PEX3: variants seen among roughly 807,000 people sequenced by gnomAD.
The protein encoded by PEX3 is peroxisomal biogenesis factor 3, also known as peroxin-3.
In PEX3, 30 loss-of-function variants were observed where a neutral mutation model predicts 55.8. That is an observed-to-expected ratio of 0.54 (90% CI 0.40 to 0.73). PEX3 has a LOEUF of 0.73. PEX3 is among the 30% of genes least tolerant of loss of function. The pLI, the probability that PEX3 is intolerant of heterozygous loss-of-function variation, is 0.00. For synonymous variants in PEX3, 135 were observed against 148.4 expected, an observed-to-expected ratio of 0.91 and a Z score of 0.66; for missense variants, 351 against 432.8, an observed-to-expected ratio of 0.81 and a Z score of 1.68.
chr6:143,462,721 A>G lies in PEX3; in HGVS notation c.206-195A>G, dbSNP rs1395188410. 6.6e-6 allele frequency among the ~76,000 whole-genome samples: 1 copy of G among 152,202 alleles called. No homozygotes were observed. Among genetic ancestry groups the G allele is most frequent in the East Asian group, 1.9e-4 (1 of 5,208 alleles). Reference sequence around the variant, plus strand: ...TGTTTATATAATTTTGTTAAATTACATAAGCAGATAAATGATTTGTTAGGA... The same window carrying G: ...TGTTTATATAATTTTGTTAAATTACGTAAGCAGATAAATGATTTGTTAGGA... On this transcript the variant is annotated intron_variant, in intron 2 of 11. Transcript: ENST00000367591. This position sits in a 1 kb window ranked among gnomAD's most constrained non-coding sequence, Gnocchi z 4.1.
rs1359934366 is a variant in PEX3, at chr6:143,483,889, CAG to C, written c.942-1260_942-1259del. Reference sequence around the variant, plus strand: ...GAGCTTGCATGATAGTGAGGGGAGACAGAGCAATCAAGTAATCAAAATCATGA... The same window carrying C: ...GAGCTTGCATGATAGTGAGGGGAGACAGCAATCAAGTAATCAAAATCATGA... On this transcript the variant is annotated intron_variant, in intron 10 of 11. Coordinates refer to ENST00000367591, the MANE Select transcript of PEX3 (RefSeq NM_003630.3). This position sits in a 1 kb window ranked among gnomAD's most constrained non-coding sequence, Gnocchi z 4.3. Among the ~76,000 whole-genome samples, 1 of 151,392 alleles carries C rather than the reference CAG, an allele frequency of 6.6e-6. No individual in the cohort carries two copies. The highest frequency in any genetic ancestry group is 2.4e-5 in the African/African-American group (1 of 41,158).
intron 10 of PEX3, among the ~76,000 whole-genome samples, chr6:143,480,048 C>G (rs1360996575): frequency 6.6e-6 from 1 of 151,680 alleles, no homozygotes; most frequent in African/African-American, 2.4e-5. Context: ...TACATAGGGC[C>G]AGAAGTTACT....
At chr6:143,452,895 A>G (rs758332010) in intron 1 of PEX3, among the ~76,000 whole-genome samples, 1 of 152,224 alleles carries the variant, frequency 6.6e-6, no homozygotes, top group Non-Finnish European at 1.5e-5. Context: ...AACAGCTACT[A>G]TTTATTGGGT....
In PEX3 at chr6:143,459,399, A is replaced by T. The variant is rs572834943; in HGVS notation, c.205+183A>T. ...TTTTAAAAATCAGTTCATTCATTTT[A>T]TTTATTCATTTAGCAAATACTTGTA... is the stretch of plus-strand genomic sequence containing the variant. On this transcript the variant is annotated intron_variant, in intron 2 of 11. Transcript: ENST00000367591. This position sits in a 1 kb window ranked among gnomAD's most constrained non-coding sequence, Gnocchi z 4.2. Among the ~76,000 whole-genome samples, 536 of 152,368 alleles carry T rather than the reference A, an allele frequency of 3.5e-3. 5 individuals carry two copies. The highest frequency in any genetic ancestry group is 0.012 in the African/African-American group (508 of 41,586).
chr6:143,468,820 ACGACAGG>A (rs1780030265), intron 4 of PEX3, among the ~76,000 whole-genome samples: 1 of 48,032 alleles, frequency 2.1e-5, no homozygotes, highest in Admixed American at 2.0e-4. Flanking sequence ...CCCCCACCCC[ACGACAGG>A]CCCCAGTGTC....
In PEX3 at chr6:143,486,477, A is replaced by G. The variant is rs1211031906; in HGVS notation, c.1038+1229A>G. On this transcript the variant is annotated intron_variant, in intron 11 of 11. Transcript: ENST00000367591. This position sits in a 1 kb window ranked among gnomAD's most constrained non-coding sequence, Gnocchi z 5.0. ...TGATAATAAAAACAAATGTTTCAAT[A>G]TGGTAAAAACGCCATTGATACTAAT... Among the ~76,000 whole-genome samples the G allele has an allele frequency of 6.6e-6, 1 of 152,178 alleles. No homozygotes were observed. The highest frequency in any genetic ancestry group is 1.5e-5 in the Non-Finnish European group (1 of 68,018).
chr6:143,477,546 A>C (rs1780171723), intron 9 of PEX3, among the ~76,000 whole-genome samples: 1 of 152,152 alleles, frequency 6.6e-6, no homozygotes. Flanking sequence ...GGTCAGATGC[A>C]TGTAAGTGGG....
intron 1 of PEX3, among the ~76,000 whole-genome samples, chr6:143,452,558 A>G (rs1223888106): frequency 6.6e-6 from 1 of 152,240 alleles, no homozygotes; most frequent in Non-Finnish European, 1.5e-5. Flanking sequence ...GCAAAAGAGT[A>G]TACTTAAACT....
At position 143,479,140 on chromosome 6, in the gene PEX3, A is replaced by G; in HGVS notation, c.883A>G (p.Met295Val). The change falls in exon 10 of 12, where the codon ATG (methionine) becomes GTG (valine). Residue 295 changes from methionine (M) to valine (V), a missense_variant. By Grantham distance (21) the Met-to-Val change is conservative. Coordinates refer to ENST00000367591, the MANE Select transcript of PEX3 (RefSeq NM_003630.3). The surrounding 1 kb of genome is among the most constrained non-coding windows in gnomAD (Gnocchi z 4.6). Reference protein sequence around the residue: ...NRGFSRLLDNMAEFFRPTEQD... With the variant: ...NRGFSRLLDNVAEFFRPTEQD... ...AGGTTTTAGTAGACTTCTAGACAAT[A>G]TGGCTGAGTTCTTTCGACCTACTGA... The G allele has an allele frequency of 6.3e-7, 1 of 1,598,366 alleles. No homozygotes were observed. Among genetic ancestry groups the G allele is most frequent in the Non-Finnish European group, 8.6e-7 (1 of 1,165,848 alleles).
intron 8 of PEX3, among the ~76,000 whole-genome samples, chr6:143,472,539 T>G (rs891531640): frequency 6.6e-6 from 1 of 152,170 alleles, no homozygotes; most frequent in Non-Finnish European, 1.5e-5. Context: ...ATTCAGTACA[T>G]TTTTATTATC....
At position 143,482,208 on chromosome 6, in the gene PEX3, T is replaced by C. The variant is rs939688485; in HGVS notation, c.942-2944T>C. Among the ~76,000 whole-genome samples, 37 of 152,254 alleles carry C rather than the reference T, an allele frequency of 2.4e-4. No homozygotes were observed. The highest frequency in any genetic ancestry group is 6.3e-4 in the African/African-American group (26 of 41,554). ...CTTATATCTTGAAAATAGGTAACTT[T>C]TACTGTTGGATAGCGAAAAAAGAAA... On this transcript the variant is annotated intron_variant, in intron 10 of 11. Transcript: ENST00000367591. The surrounding 1 kb of genome is among the most constrained non-coding windows in gnomAD (Gnocchi z 5.5).
rs1290499582 is a variant in PEX3 at position 143,459,744 on chromosome 6, G to A, written c.205+528G>A. On this transcript the variant is annotated intron_variant, in intron 2 of 11. Coordinates refer to ENST00000367591, the MANE Select transcript of PEX3 (RefSeq NM_003630.3). This position sits in a 1 kb window ranked among gnomAD's most constrained non-coding sequence, Gnocchi z 4.2. ...AAAGGCCATGTAGCTAGAGCAGAAT[G>A]AACAATGGCAGTGATAGGAAACAAG... is the stretch of plus-strand genomic sequence containing the variant. Among the ~76,000 whole-genome samples, 1 of 152,188 alleles carries A rather than the reference G, an allele frequency of 6.6e-6. No individual in the cohort carries two copies. Among genetic ancestry groups the A allele is most frequent in the Non-Finnish European group, 1.5e-5 (1 of 68,028 alleles).
Position 143,487,443 on chromosome 6 carries a change from A to T in PEX3, c.1039-1700A>T, listed in dbSNP as rs1297363024. On this transcript the variant is annotated intron_variant, in intron 11 of 11. Coordinates refer to ENST00000367591, the MANE Select transcript of PEX3 (RefSeq NM_003630.3). The surrounding 1 kb of genome is among the most constrained non-coding windows in gnomAD (Gnocchi z 5.3). ...TTTCTCAGATTTGTCCATACACCTCACATACATATGTACACACATATACCA... is the reference window on the plus strand; with the variant it reads ...TTTCTCAGATTTGTCCATACACCTCTCATACATATGTACACACATATACCA... Among the ~76,000 whole-genome samples the T allele has an allele frequency of 6.6e-6, 1 of 152,118 alleles. No homozygotes were observed. Among genetic ancestry groups the T allele is most frequent in the Non-Finnish European group, 1.5e-5 (1 of 67,994 alleles).
rs759618244 is a variant in PEX3 at position 143,451,698 on chromosome 6, A to T, written c.73+583A>T. On this transcript the variant is annotated intron_variant, in intron 1 of 11. Transcript: ENST00000367591. The surrounding 1 kb of genome is among the most constrained non-coding windows in gnomAD (Gnocchi z 4.1). Reference sequence around the variant, plus strand: ...GAATACAAACTATGGCAGTAAGAAAAATGCTTGAGGGATGTTGTGCAATCT... The same window carrying T: ...GAATACAAACTATGGCAGTAAGAAATATGCTTGAGGGATGTTGTGCAATCT... Among the ~76,000 whole-genome samples, 10 of 152,208 alleles carry T rather than the reference A, an allele frequency of 6.6e-5. No individual in the cohort carries two copies. Among genetic ancestry groups the T allele is most frequent in the Non-Finnish European group, 1.5e-4 (10 of 68,030 alleles).
Position 143,464,498 on chromosome 6 carries a change from C to A in PEX3, c.287+1501C>A, listed in dbSNP as rs1432133281. Among the ~76,000 whole-genome samples, 1 of 151,762 alleles carries A rather than the reference C, an allele frequency of 6.6e-6. No homozygotes were observed. The highest frequency in any genetic ancestry group is 1.5e-5 in the Non-Finnish European group (1 of 67,816). ...GGAAAATTTAGGAGTATCAAAAAAA[C>A]CAAAGGATTAATTTTGATAGATTAT... On this transcript the variant is annotated intron_variant, in intron 3 of 11. Transcript: ENST00000367591. This position sits in a 1 kb window ranked among gnomAD's most constrained non-coding sequence, Gnocchi z 5.8.
rs533271173 is a variant in PEX3, at chr6:143,486,464, CAA to C, written c.1038+1218_1038+1219del. On this transcript the variant is annotated intron_variant, in intron 11 of 11. Transcript: ENST00000367591. The surrounding 1 kb of genome is among the most constrained non-coding windows in gnomAD (Gnocchi z 5.0). ...AAATCGATATAATTGATAATAAAAA[CAA>C]ATGTTTCAATATGGTAAAAACGCCA... Among the ~76,000 whole-genome samples the C allele has an allele frequency of 3.0e-4, 46 of 152,114 alleles. No homozygotes were observed. In the South Asian group the frequency reaches 9.1e-3, roughly 30 times the overall value.
At chr6:143,467,364 T>G (rs1167647722) in intron 3 of PEX3, among the ~76,000 whole-genome samples, 1 of 152,108 alleles carries the variant, frequency 6.6e-6, no homozygotes, top group Non-Finnish European at 1.5e-5. Flanking sequence ...TTTGATCATA[T>G]GCACATATAA....
Position 143,463,047 on chromosome 6 carries a change from A to G in PEX3, c.287+50A>G, listed in dbSNP as rs1380965864. 16 of 1,321,798 alleles carry G rather than the reference A, an allele frequency of 1.2e-5. No homozygotes were observed. The East Asian group carries it at 3.5e-4, about 29-fold the overall frequency. 81.9% of individuals were successfully genotyped at this position (1,321,798 alleles called of 1,614,324 possible). ...TGTTTAAGCACTACACTTAAAGTTT[A>G]TAGAATGAACTGATAGACTTTTCAA... On this transcript the variant is annotated intron_variant, in intron 3 of 11. Transcript: ENST00000367591. The surrounding 1 kb of genome is among the most constrained non-coding windows in gnomAD (Gnocchi z 5.7).
Position 143,486,733 on chromosome 6 carries a change from G to A in PEX3, c.1038+1485G>A, listed in dbSNP as rs897052244. Among the ~76,000 whole-genome samples the A allele has an allele frequency of 2.6e-5, 4 of 151,944 alleles. No homozygotes were observed. The highest frequency in any genetic ancestry group is 7.3e-5 in the African/African-American group (3 of 41,356). ...TAATTTACATAAAATTAGTCCTTTC[G>A]AATTACTGCTACTACTTCAACTACA... On this transcript the variant is annotated intron_variant, in intron 11 of 11. Coordinates refer to ENST00000367591, the MANE Select transcript of PEX3 (RefSeq NM_003630.3). This position sits in a 1 kb window ranked among gnomAD's most constrained non-coding sequence, Gnocchi z 5.0.
Sources: gnomAD v4.1 joint callset for allele counts (sites outside exome capture counted in the v4.1 genomes callset) on GRCh38, gnomAD v4.1.1 for gene constraint, Gnocchi (gnomAD v3.1) non-coding constraint, MANE v1.5 for transcripts, NCBI Gene and HGNC (gene_info 2026-07-23, HGNC 2026-07-21) for gene names.